Variants in RFX4 observed in about 807,000 individuals in gnomAD.
RFX4 encodes regulatory factor X4.
RFX4 carries 10 observed loss-of-function variants against 95.0 expected under a neutral mutation model. The ratio of observed to expected loss-of-function variants is 0.11; its 90% CI spans 0.06 to 0.18. The LOEUF (loss-of-function observed/expected upper bound fraction) is 0.18, where lower values mean the gene tolerates loss of function less well. RFX4 is among the 10% of genes least tolerant of loss of function. The pLI is 1.00. For synonymous variants in RFX4, 321 were observed against 340.7 expected, an observed-to-expected ratio of 0.94 and a Z score of 0.64; for missense variants, 640 against 922.0, an observed-to-expected ratio of 0.69 and a Z score of 3.96.
chr12:106,737,058 C>G lies in RFX4; in HGVS notation c.1633+3973C>G, dbSNP rs2042721537. Among the ~76,000 whole-genome samples, 3 of 151,068 alleles carry G rather than the reference C, an allele frequency of 2.0e-5. No homozygotes were observed. In the South Asian group the frequency reaches 6.3e-4, roughly 32 times the overall value. ...ATCCTACTCACCTCCTTTGATGTTT[C>G]CCTCACCCTCCAAGTTAGAATCTTC... On this transcript the variant is annotated intron_variant, in intron 15 of 17. Transcript: ENST00000392842.
chr12:106,755,569 A>G (rs2043093772), intron 17 of RFX4, among the ~76,000 whole-genome samples: 1 of 152,202 alleles, frequency 6.6e-6, no homozygotes, highest in East Asian at 1.9e-4. Context: ...TGAATTCAAG[A>G]GGTTACTGCT....
intron 10 of RFX4, 119 bp downstream of exon 10, chr12:106,711,630 T>C: frequency 1.3e-6 from 1 of 765,868 alleles, no homozygotes; most frequent in Non-Finnish European, 2.2e-6. Flanking sequence ...TCTCTATTAT[T>C]TTTTAATTTC....
Position 106,732,969 on chromosome 12 carries a change from C to T in RFX4, c.1517C>T (p.Thr506Ile), listed in dbSNP as rs149211250. 22 of 1,614,062 alleles carry T rather than the reference C, an allele frequency of 1.4e-5. No homozygotes were observed. The highest frequency in any genetic ancestry group is 1.8e-5 in the Non-Finnish European group (21 of 1,180,036). Residue 506 changes from threonine (T) to isoleucine (I), a missense_variant, in exon 15 of 18, where the codon ACC becomes ATC. Physicochemically the swap from Thr to Ile is moderately conservative, Grantham distance 89 (BLOSUM62 -1). This residue lies in a region of RFX4 where 300 missense variants were observed against 346.8 expected (regional missense o/e 0.87). Coordinates refer to ENST00000392842, the MANE Select transcript of RFX4 (RefSeq NM_213594.3). ...ATCTTGACAGAGGCTGCCGCACCAA[C>T]CCCTTCACCAGTGCCATCGTTTTCT... The part of the protein sequence containing the change: ...EIILTEAAAP[T>I]PSPVPSFSPA...
chr12:106,656,640 G>C (rs1397684617), intron 4 of RFX4, among the ~76,000 whole-genome samples: 1 of 152,074 alleles, frequency 6.6e-6, no homozygotes, highest in Non-Finnish European at 1.5e-5. Context: ...GCTAGTCCCA[G>C]TGCTTCTCCA....
chr12:106,747,191 C>A lies in RFX4; in HGVS notation c.1634-246C>A, dbSNP rs184358490. ...GGGTAATAAGGCAGCAGAAACAGCA[C>A]GTGCAAAGGCCCTGAGTTGCTGGGA... On this transcript the variant is annotated intron_variant, in intron 15 of 17. Coordinates refer to ENST00000392842, the MANE Select transcript of RFX4 (RefSeq NM_213594.3). Among the ~76,000 whole-genome samples the A allele has an allele frequency of 3.8e-3, 574 of 152,190 alleles. 1 individual carries two copies. Among genetic ancestry groups the A allele is most frequent in the African/African-American group, 0.013 (544 of 41,504 alleles).
intron 11 of RFX4, among the ~76,000 whole-genome samples, chr12:106,718,509 A>C: frequency 6.6e-6 from 1 of 152,182 alleles, no homozygotes; most frequent in East Asian, 1.9e-4. Flanking sequence ...AATCGTACCA[A>C]CCTCCATGGG....
At chr12:106,754,824 C>T (rs10861660) in intron 17 of RFX4, among the ~76,000 whole-genome samples, 32,160 of 152,084 alleles carry the variant, frequency 0.21, 3,883 homozygotes, top group African/African-American at 0.32. Flanking sequence ...GACTCTTAGA[C>T]GAGTGCCTCT....
At chr12:106,712,101 C>T (rs975961031) in intron 10 of RFX4, among the ~76,000 whole-genome samples, 36 of 152,186 alleles carry the variant, frequency 2.4e-4, no homozygotes, top group African/African-American at 8.4e-4. Context: ...TTAAGGCAAC[C>T]GATTAACATT....
intron 6 of RFX4, among the ~76,000 whole-genome samples, chr12:106,688,294 T>A (rs1042309397): frequency 1.3e-5 from 2 of 152,132 alleles, no homozygotes; most frequent in African/African-American, 4.8e-5. Context: ...GGTCTCGAAC[T>A]TCTGACCTCA....
chr12:106,749,865 C>A (rs1033511820), intron 16 of RFX4, among the ~76,000 whole-genome samples: 1 of 152,144 alleles, frequency 6.6e-6, no homozygotes, highest in South Asian at 2.1e-4. Context: ...GTGCTCTCCC[C>A]CCAGGAGACA....
chr12:106,715,863 T>G (rs1389572723), intron 11 of RFX4, among the ~76,000 whole-genome samples: 1 of 152,130 alleles, frequency 6.6e-6, no homozygotes, highest in East Asian at 1.9e-4. Flanking sequence ...GAACAAAAGC[T>G]TATTGCCTCT....
intron 15 of RFX4, among the ~76,000 whole-genome samples, chr12:106,738,645 G>A (rs545134679): frequency 1.3e-4 from 20 of 152,260 alleles, no homozygotes; most frequent in African/African-American, 4.6e-4. Context: ...TCTCCATGGG[G>A]CATTAAAAAT....
chr12:106,700,368 T>G (rs1158607045), intron 8 of RFX4, among the ~76,000 whole-genome samples: 1 of 151,860 alleles, frequency 6.6e-6, no homozygotes, highest in East Asian at 1.9e-4. Context: ...TAAAAAAAAT[T>G]TACTAGTTGT....
At chr12:106,636,768 C>T (rs1187354135) in intron 2 of RFX4, among the ~76,000 whole-genome samples, 2 of 152,318 alleles carry the variant, frequency 1.3e-5, no homozygotes, top group South Asian at 2.1e-4. Context: ...ACTGAAGAAA[C>T]TGTGCTATCT....
chr12:106,601,015 C>A (rs142683789), intron 1 of RFX4: 2 of 712,622 alleles, frequency 2.8e-6, no homozygotes, highest in East Asian at 4.1e-5. Context: ...TCACTAGCTG[C>A]TCAGAGCCTG....
chr12:106,628,732 C>T (rs939108148), intron 2 of RFX4, among the ~76,000 whole-genome samples: 9 of 151,264 alleles, frequency 5.9e-5, no homozygotes, highest in Non-Finnish European at 1.0e-4. Context: ...AGTATTTCCT[C>T]ATGCAAATGA....
At chr12:106,590,524 C>T (rs368018517) in intron 1 of RFX4, among the ~76,000 whole-genome samples, 14 of 152,200 alleles carry the variant, frequency 9.2e-5, no homozygotes, top group African/African-American at 7.2e-5. Context: ...AGCTGTACCT[C>T]GATTGCTTGG....
intron 4 of RFX4, chr12:106,662,087 C>A: frequency 4.0e-6 from 1 of 248,378 alleles, no homozygotes; most frequent in Non-Finnish European, 8.5e-6. Context: ...CCAAGAAGGG[C>A]AATTGCTAGA....
intron 15 of RFX4, among the ~76,000 whole-genome samples, chr12:106,740,152 T>C (rs988482857): frequency 2.0e-5 from 3 of 152,228 alleles, no homozygotes; most frequent in African/African-American, 7.2e-5. Flanking sequence ...ATCATTGAGA[T>C]ACTAGGATAC....
Sources: allele counts gnomAD v4.1 joint callset (sites outside exome capture counted in the v4.1 genomes callset), GRCh38; gene constraint gnomAD v4.1.1; regional missense constraint gnomAD v4.1.1; transcripts MANE v1.5; gene names NCBI Gene and HGNC (gene_info 2026-07-23, HGNC 2026-07-21).